SIRPA: variants seen among roughly 807,000 people sequenced by gnomAD.
SIRPA encodes tyrosine-protein phosphatase non-receptor type substrate 1.
SIRPA carries 9 observed loss-of-function variants against 50.3 expected under a neutral mutation model. The ratio of observed to expected loss-of-function variants is 0.18; its 90% CI spans 0.11 to 0.31. The LOEUF is 0.31. Among genes scored for constraint, SIRPA ranks in the 10% least tolerant of loss-of-function variants. SIRPA has a pLI of 1.00. For synonymous variants in SIRPA, 265 were observed against 284.1 expected, an observed-to-expected ratio of 0.93 and a Z score of 0.68; for missense variants, 474 against 661.6, an observed-to-expected ratio of 0.72 and a Z score of 3.11.
At chr20:1,908,874 T>C (rs1319738716) in intron 1 of SIRPA, among the ~76,000 whole-genome samples, 1 of 152,220 alleles carries the variant, frequency 6.6e-6, no homozygotes, top group Non-Finnish European at 1.5e-5. Context: ...TATTACATCC[T>C]GTTTGCATCC....
At chr20:1,903,066 C>CG (rs982891905) in intron 1 of SIRPA, among the ~76,000 whole-genome samples, 10 of 149,680 alleles carry the variant, frequency 6.7e-5, no homozygotes, top group African/African-American at 2.5e-4. Context: ...GGAGTAGCCA[C>CG]GGGGGATAGC....
At position 1,924,718 on chromosome 20, in the gene SIRPA, G is replaced by A. The variant is rs1340303569; in HGVS notation, c.1088-46G>A. 3.0e-5 allele frequency: 46 copies of A among 1,544,358 alleles called. No individual in the cohort carries two copies. Among genetic ancestry groups the A allele is most frequent in the Non-Finnish European group, 3.9e-5 (44 of 1,118,388 alleles). On this transcript the variant is annotated intron_variant, in intron 4 of 7. Transcript: ENST00000358771. The surrounding 1 kb of genome is among the most constrained non-coding windows in gnomAD (Gnocchi z 4.5). ...AAAGCAGTGGTGGGTTTGGTTTTCT[G>A]TTTTTAATCTGCATACGTGAAGCCT...
intron 1 of SIRPA, among the ~76,000 whole-genome samples, chr20:1,895,827 G>A (rs779679392): frequency 2.0e-5 from 3 of 152,218 alleles, no homozygotes; most frequent in African/African-American, 7.2e-5. Context: ...CCCCTGCCCG[G>A]TCCAATGGGG....
chr20:1,897,450 G>A (rs891832025), intron 1 of SIRPA, among the ~76,000 whole-genome samples: 4 of 152,260 alleles, frequency 2.6e-5, no homozygotes, highest in Non-Finnish European at 5.9e-5. Flanking sequence ...CCATGGGCCT[G>A]GGCAGGGAAG....
At chr20:1,911,712 C>T (rs538281955) in intron 1 of SIRPA, among the ~76,000 whole-genome samples, 9 of 152,254 alleles carry the variant, frequency 5.9e-5, no homozygotes, top group African/African-American at 1.9e-4. Flanking sequence ...GCTGCTTTCC[C>T]GAAAAGATGT....
chr20:1,894,779 C>CGA (rs1332821619), upstream of SIRPA: 24 of 147,954 alleles, frequency 1.6e-4, no homozygotes, highest in Admixed American at 5.4e-4. This position sits in a 1 kb window ranked among gnomAD's most constrained non-coding sequence, Gnocchi z 4.0. Context: ...CGCAGGCGGG[C>CGA]GCTCGCTCGC....
rs6035100 is a variant in SIRPA, at chr20:1,938,535, C to T, written c.*967C>T. The T allele has an allele frequency of 0.066, 10,081 of 152,670 alleles. 983 individuals are homozygous for T. The highest frequency in any genetic ancestry group is 0.21 in the African/African-American group (8,805 of 41,502). 9.5% of individuals were successfully genotyped at this position (152,670 alleles called of 1,614,324 possible). ...GTCTGAGGTTTAACAGTTTGTTGTC[C>T]TGGAGGGATTTTCTTACAGCGAAGA... On this transcript the variant is annotated 3_prime_UTR_variant, in exon 8 of 8. Coordinates refer to ENST00000358771, the MANE Select transcript of SIRPA (RefSeq NM_001040023.2).
intron 4 of SIRPA, among the ~76,000 whole-genome samples, chr20:1,922,949 T>C (rs1196903001): frequency 3.3e-5 from 5 of 152,154 alleles, no homozygotes. Flanking sequence ...CTGACAGTTG[T>C]CATGCTCCCC....
chr20:1,912,181 G>T (rs1984929259), intron 1 of SIRPA, among the ~76,000 whole-genome samples: 1 of 152,020 alleles, frequency 6.6e-6, no homozygotes, highest in Non-Finnish European at 1.5e-5. Context: ...CCTGCCTGGG[G>T]TGTGATTACA....
intron 1 of SIRPA, among the ~76,000 whole-genome samples, chr20:1,914,163 A>C (rs573025511): frequency 6.6e-6 from 1 of 152,332 alleles, no homozygotes; most frequent in African/African-American, 2.4e-5. Flanking sequence ...TCTCAGGGCT[A>C]AGTGACTTCT....
chr20:1,908,048 C>CA (rs1449259922), intron 1 of SIRPA, among the ~76,000 whole-genome samples: 1 of 152,188 alleles, frequency 6.6e-6, no homozygotes, highest in Admixed American at 6.5e-5. Flanking sequence ...GAAAGGTTAG[C>CA]ACCTCCTATC....
chr20:1,920,566 T>C (rs527713780), intron 2 of SIRPA, among the ~76,000 whole-genome samples: 1 of 152,362 alleles, frequency 6.6e-6, no homozygotes, highest in East Asian at 1.9e-4. Flanking sequence ...TTAACCACTT[T>C]GGCTTTCTCC....
chr20:1,897,292 G>A (rs1983890610), intron 1 of SIRPA, among the ~76,000 whole-genome samples: 2 of 152,248 alleles, frequency 1.3e-5, no homozygotes, highest in Admixed American at 6.5e-5. Context: ...AGCAGCAGAG[G>A]GGCCAAGATT....
Position 1,922,458 on chromosome 20 carries a change from A to G in SIRPA, c.900A>G (p.Ser300=), listed in dbSNP as rs145767418. The change falls in exon 4 of 8, where the codon TCA becomes TCG. Residue 300 remains serine (S), a synonymous_variant. Coordinates refer to ENST00000358771, the MANE Select transcript of SIRPA (RefSeq NM_001040023.2). The part of the protein sequence containing the change: ...NGNVSRTETA[S]TVTENKDGTY... ...ACGTGTCCCGGACAGAAACGGCCTC[A>G]ACCGTTACAGAGAACAAGGATGGTA... is the stretch of plus-strand genomic sequence containing the variant. 1.5e-4 allele frequency: 237 copies of G among 1,614,134 alleles called. No homozygotes were observed. The highest frequency in any genetic ancestry group is 1.9e-4 in the Non-Finnish European group (227 of 1,180,062).
At chr20:1,905,453 G>A (rs953970494) in intron 1 of SIRPA, among the ~76,000 whole-genome samples, 1 of 152,192 alleles carries the variant, frequency 6.6e-6, no homozygotes, top group East Asian at 1.9e-4. Flanking sequence ...GGGCCAGGAT[G>A]TCCTGAGGGC....
At position 1,924,842 on chromosome 20, in the gene SIRPA, C is replaced by T. The variant is rs748023319; in HGVS notation, c.1166C>T (p.Ala389Val). 8.1e-6 allele frequency: 13 copies of T among 1,613,980 alleles called. No individual in the cohort carries two copies. The highest frequency in any genetic ancestry group is 3.3e-5 in the South Asian group (3 of 91,078). ...VCTLLVALLMAALYLVRIRQK... is the reference protein window; with the variant it reads ...VCTLLVALLMVALYLVRIRQK... ...ACCTTGCTGGTGGCCCTACTGATGG[C>T]GGCCCTCTACCTCGTCCGAATCAGA... The change falls in exon 5 of 8, where the codon GCG becomes GTG. Residue 389 changes from alanine (A) to valine (V), a missense_variant. Around this residue, in one of 4 missense-constraint regions of SIRPA, gnomAD observed 180 missense variants for 206.7 expected, o/e 0.87. Coordinates refer to ENST00000358771, the MANE Select transcript of SIRPA (RefSeq NM_001040023.2). This position sits in a 1 kb window ranked among gnomAD's most constrained non-coding sequence, Gnocchi z 4.5.
rs549096680 is a variant in SIRPA, at chr20:1,932,655, G to A, written c.1227-2060G>A. Among the ~76,000 whole-genome samples the A allele has an allele frequency of 1.3e-5, 2 of 152,306 alleles. No individual in the cohort carries two copies. Among genetic ancestry groups the A allele is most frequent in the South Asian group, 4.1e-4 (2 of 4,828 alleles). ...TTATGCATTTCAGATAGGGAGAATG[G>A]AGGGCAGGGAAGCAGGAATAGAGGT... On this transcript the variant is annotated intron_variant, in intron 6 of 7. Coordinates refer to ENST00000358771, the MANE Select transcript of SIRPA (RefSeq NM_001040023.2). The surrounding 1 kb of genome is among the most constrained non-coding windows in gnomAD (Gnocchi z 6.0).
intron 1 of SIRPA, among the ~76,000 whole-genome samples, chr20:1,906,489 A>C (rs1984556791): frequency 6.6e-6 from 1 of 152,170 alleles, no homozygotes; most frequent in Admixed American, 6.5e-5. Context: ...ATAGGCCTGA[A>C]GGAGAGGAGC....
chr20:1,897,737 T>G (rs1257401749), intron 1 of SIRPA, among the ~76,000 whole-genome samples: 4 of 148,858 alleles, frequency 2.7e-5, no homozygotes, highest in Non-Finnish European at 4.5e-5. Flanking sequence ...GATCACTGTT[T>G]TGGGGGGGTG....
Sources: allele counts gnomAD v4.1 joint callset (sites outside exome capture counted in the v4.1 genomes callset), GRCh38; gene constraint gnomAD v4.1.1; regional missense constraint gnomAD v4.1.1; non-coding constraint Gnocchi (gnomAD v3.1); transcripts MANE v1.5; gene names NCBI Gene and HGNC (gene_info 2026-07-23, HGNC 2026-07-21).